NAALADL2: variants seen among roughly 807,000 people sequenced by gnomAD.
The protein encoded by NAALADL2 is inactive N-acetylated-alpha-linked acidic dipeptidase-like protein 2.
In NAALADL2, 76 loss-of-function variants were observed where a neutral mutation model predicts 87.2. The observed-to-expected ratio is 0.87, with a 90% CI of 0.72 to 1.05. The LOEUF (loss-of-function observed/expected upper bound fraction) is 1.05. NAALADL2 is among the 50% of genes least tolerant of loss of function. NAALADL2 has a pLI of 0.00. For synonymous variants in NAALADL2, 354 were observed against 331.0 expected (o/e 1.07, Z -0.75); for missense variants, 1,089 against 945.8 (o/e 1.15, Z -1.99).
intron 1 of NAALADL2, among the ~76,000 whole-genome samples, chr3:174,453,325 A>G (rs2108276573): frequency 6.6e-6 from 1 of 152,324 alleles, no homozygotes; most frequent in South Asian, 2.1e-4. Flanking sequence ...TCCTTGAAAG[A>G]GATGGGGAGT....
rs537000649 is a variant in NAALADL2 at position 174,609,446 on chromosome 3, G to A, written c.-115+58809G>A. 2.4e-3 allele frequency among the ~76,000 whole-genome samples: 361 copies of A among 152,116 alleles called. 2 individuals carry two copies. The highest frequency in any genetic ancestry group is 8.3e-3 in the African/African-American group (345 of 41,478). On this transcript the variant is annotated intron_variant, in intron 2 of 3. Coordinates refer to the NAALADL2 transcript ENST00000434257. ...TCTCAGCCCAAAATCTCCTTAAGCT[G>A]ATAAGCAACTTCAGCAAAATCTCAG...
At chr3:175,740,202 G>A (rs1352057106) in intron 12 of NAALADL2, among the ~76,000 whole-genome samples, 4 of 152,222 alleles carry the variant, frequency 2.6e-5, no homozygotes, top group Non-Finnish European at 4.4e-5. Flanking sequence ...GTAATCAACT[G>A]TGTCAAATGC....
intron 3 of NAALADL2, among the ~76,000 whole-genome samples, chr3:174,804,016 G>T (rs1719163276): frequency 6.6e-6 from 1 of 152,170 alleles, no homozygotes; most frequent in South Asian, 2.1e-4. Context: ...AAAGTCAATG[G>T]TAGCTTCATG....
intron 2 of NAALADL2, among the ~76,000 whole-genome samples, chr3:175,231,118 G>T (rs1259756501): frequency 3.3e-5 from 5 of 151,776 alleles, no homozygotes; most frequent in Non-Finnish European, 7.4e-5. Flanking sequence ...TTTTGTAAAA[G>T]TAAAAACACT....
intron 1 of NAALADL2, among the ~76,000 whole-genome samples, chr3:174,859,663 AAG>A (rs372650131): frequency 4.3e-4 from 66 of 152,216 alleles, no homozygotes; most frequent in Middle Eastern, 3.4e-3. Flanking sequence ...GTTGTTTACA[AAG>A]ACTCAGGCAA....
chr3:175,281,180 A>G (rs1305405242), intron 4 of NAALADL2, among the ~76,000 whole-genome samples: 1 of 151,402 alleles, frequency 6.6e-6, no homozygotes, highest in East Asian at 1.9e-4. Context: ...CAATACATTT[A>G]GTTATTTTTT....
At chr3:175,483,065 C>T (rs1189630206) in intron 9 of NAALADL2, among the ~76,000 whole-genome samples, 2 of 151,878 alleles carry the variant, frequency 1.3e-5, no homozygotes, top group African/African-American at 4.8e-5. Flanking sequence ...AAAATCACTA[C>T]TTGAGAAATA....
chr3:174,466,310 A>C (rs979021986), intron 1 of NAALADL2, among the ~76,000 whole-genome samples: 1 of 143,766 alleles, frequency 7.0e-6, no homozygotes, highest in Non-Finnish European at 1.5e-5. Context: ...GCTATCCTTG[A>C]TGCCAGTGTA....
intron 2 of NAALADL2, among the ~76,000 whole-genome samples, chr3:174,612,350 C>G (rs138244764): frequency 6.6e-6 from 1 of 152,244 alleles, no homozygotes; most frequent in African/African-American, 2.4e-5. Flanking sequence ...GGGAAATTAT[C>G]TGTTATTATC....
intron 1 of NAALADL2, among the ~76,000 whole-genome samples, chr3:175,003,596 G>A (rs763699207): frequency 2.6e-5 from 4 of 151,884 alleles, no homozygotes; most frequent in Non-Finnish European, 4.4e-5. Context: ...CATTCCATAA[G>A]TTAAATAAGA....
At chr3:175,271,498 A>G (rs1038985827) in intron 4 of NAALADL2, among the ~76,000 whole-genome samples, 10 of 152,200 alleles carry the variant, frequency 6.6e-5, no homozygotes, top group African/African-American at 2.4e-4. Context: ...TAAAGCTATA[A>G]AATAGGCACT....
intron 6 of NAALADL2, among the ~76,000 whole-genome samples, chr3:175,456,064 T>C (rs967648183): frequency 6.6e-6 from 1 of 152,038 alleles, no homozygotes; most frequent in Non-Finnish European, 1.5e-5. Flanking sequence ...TTGAATAAGA[T>C]TGGAATTTTT....
chr3:174,469,111 G>A (rs573977804), intron 1 of NAALADL2, among the ~76,000 whole-genome samples: 1 of 152,260 alleles, frequency 6.6e-6, no homozygotes, highest in African/African-American at 2.4e-5. Context: ...TAAGTTATTT[G>A]AGAAAGAGAC....
intron 3 of NAALADL2, among the ~76,000 whole-genome samples, chr3:174,848,238 AT>A (rs945578937): frequency 6.6e-6 from 1 of 151,964 alleles, no homozygotes; most frequent in African/African-American, 2.4e-5. Context: ...CCACTTTATA[AT>A]TTTTTTCAAA....
chr3:175,524,627 TA>T (rs1371144001), intron 9 of NAALADL2, among the ~76,000 whole-genome samples: 1 of 152,186 alleles, frequency 6.6e-6, no homozygotes, highest in Non-Finnish European at 1.5e-5. Context: ...TTATAGGCTA[TA>T]AATCTTCCAA....
intron 1 of NAALADL2, among the ~76,000 whole-genome samples, chr3:175,062,496 G>GTGTC (rs1382674088): frequency 7.0e-6 from 1 of 143,850 alleles, no homozygotes; most frequent in African/African-American, 2.9e-5. Flanking sequence ...GTGTGTGTGT[G>GTGTC]TGTGTGTGTG....
chr3:175,273,501 C>T (rs1365440315), intron 4 of NAALADL2, among the ~76,000 whole-genome samples: 1 of 152,044 alleles, frequency 6.6e-6, no homozygotes, highest in Non-Finnish European at 1.5e-5. Context: ...ATTCTTCATT[C>T]ATTTAGTAAA....
intron 2 of NAALADL2, among the ~76,000 whole-genome samples, chr3:175,135,357 G>T (rs12633681): frequency 6.6e-6 from 1 of 151,974 alleles, no homozygotes; most frequent in African/African-American, 2.4e-5. Flanking sequence ...TTCTTCATAC[G>T]GTAATAAAAA....
chr3:174,847,215 C>G (rs1295735879), intron 3 of NAALADL2, among the ~76,000 whole-genome samples: 1 of 152,180 alleles, frequency 6.6e-6, no homozygotes, highest in Non-Finnish European at 1.5e-5. Flanking sequence ...CTTTCCCCTA[C>G]TTTCCTAGTT....
Sources: gnomAD v4.1 joint callset for allele counts (sites outside exome capture counted in the v4.1 genomes callset) on GRCh38, gnomAD v4.1.1 for gene constraint, MANE v1.5 for transcripts, NCBI Gene and HGNC (gene_info 2026-07-23, HGNC 2026-07-21) for gene names.